USP40: variants seen among roughly 807,000 people sequenced by gnomAD.
USP40 encodes the protein ubiquitin carboxyl-terminal hydrolase 40.
In USP40, 143 loss-of-function variants were observed where a neutral mutation model predicts 166.2. The observed-to-expected ratio is 0.86, with a 90% CI of 0.75 to 0.99. The LOEUF (loss-of-function observed/expected upper bound fraction) is 0.99, where lower values mean the gene tolerates loss of function less well. Among genes scored for constraint, USP40 ranks in the 50% least tolerant of loss-of-function variants. The pLI is 0.00. For missense variants in USP40, 1,444 were observed against 1,479.7 expected, an observed-to-expected ratio of 0.98 and a Z score of 0.40; for synonymous variants, 498 against 524.0, an observed-to-expected ratio of 0.95 and a Z score of 0.68.
At chr2:233,560,758 A>AT in intron 3 of USP40, 1 of 412,632 alleles carries the variant, frequency 2.4e-6, no homozygotes. Context: ...TCATTACTCA[A>AT]TTTATTTCCA....
chr2:233,544,770 G>A (rs1387168388), intron 8 of USP40, among the ~76,000 whole-genome samples: 1 of 152,024 alleles, frequency 6.6e-6, no homozygotes, highest in Non-Finnish European at 1.5e-5. Context: ...ATATAACCAC[G>A]ACCTAGAAAA....
chr2:233,488,599 G>A (rs780191595), intron 27 of USP40, among the ~76,000 whole-genome samples: 1 of 152,168 alleles, frequency 6.6e-6, no homozygotes, highest in Non-Finnish European at 1.5e-5. Context: ...CAGTCACTTT[G>A]GGGTGGTAAT....
chr2:233,550,563 T>C (rs144931271), intron 7 of USP40, among the ~76,000 whole-genome samples: 1,631 of 151,504 alleles, frequency 0.011, 20 homozygotes, highest in East Asian at 0.029. Flanking sequence ...TTTGTGAAGA[T>C]CCCGAATTTA....
rs1222680745 is a variant in USP40, at chr2:233,517,388, T to TG, written c.2383+2225_2383+2226insC. Among the ~76,000 whole-genome samples, 257 of 144,590 alleles carry TG rather than the reference T, an allele frequency of 1.8e-3. 1 individual carries two copies. The highest frequency in any genetic ancestry group is 5.9e-3 in the African/African-American group (232 of 39,372). 94.9% of individuals were successfully genotyped at this position (144,590 alleles called of 152,430 possible). ...TACTTGCACATGCATGGTTTTTTGT[T>TG]TTTTTTTTTTTTTTGAGACGGAGTC... is the stretch of plus-strand genomic sequence containing the variant. On this transcript the variant is annotated intron_variant, in intron 18 of 31. Transcript: ENST00000678225.
chr2:233,557,023 C>A lies in USP40; in HGVS notation c.382-4G>T. The A allele has an allele frequency of 6.2e-7, 1 of 1,606,164 alleles. No individual in the cohort carries two copies. ...GCACATCATGTTGCCTCATTTCCTA[C>A]AAAACAGGTAACTTTTAGATGTAAT... On this transcript the variant is annotated splice_polypyrimidine_tract_variant and splice_region_variant and intron_variant, in intron 4 of 31. Transcript: ENST00000678225.
At chr2:233,483,055 T>A (rs76760661) in intron 30 of USP40, among the ~76,000 whole-genome samples, 2,268 of 152,356 alleles carry the variant, frequency 0.015, 24 homozygotes, top group Non-Finnish European at 0.025. Flanking sequence ...AATAACCCTC[T>A]GCTGTGTTAC....
chr2:233,479,120 A>T (rs755774596), intron 31 of USP40, among the ~76,000 whole-genome samples: 4 of 152,248 alleles, frequency 2.6e-5, no homozygotes, highest in Non-Finnish European at 5.9e-5. Context: ...AATTTTTAAA[A>T]TGTGCTATCT....
chr2:233,498,671 TA>T, intron 22 of USP40, 59 bp from the exon 23 acceptor site: 3 of 1,412,158 alleles, frequency 2.1e-6, no homozygotes, highest in Non-Finnish European at 3.0e-6. Context: ...ACGTTGCGTG[TA>T]ACTTCTAGAA....
intron 30 of USP40, chr2:233,481,515 C>G (rs574711710): frequency 1.8e-6 from 1 of 556,454 alleles, no homozygotes; most frequent in Admixed American, 3.2e-5. Context: ...TTCCAGCCAT[C>G]TGACCTTTCC....
At chr2:233,540,351 G>A (rs1224652773) in intron 10 of USP40, among the ~76,000 whole-genome samples, 1 of 152,056 alleles carries the variant, frequency 6.6e-6, no homozygotes, top group Non-Finnish European at 1.5e-5. Context: ...AGAATTTTGT[G>A]TAAAAAATCA....
At chr2:233,550,669 A>G (rs369078521) in intron 7 of USP40, among the ~76,000 whole-genome samples, 7 of 152,338 alleles carry the variant, frequency 4.6e-5, no homozygotes, top group African/African-American at 1.7e-4. Context: ...ATGATTTGTG[A>G]TAAGAAATAA....
Position 233,491,928 on chromosome 2 carries a change from G to A in USP40, c.2918-667C>T, listed in dbSNP as rs143768207. ...CTTAACTGTCTTTACTGCTGAGCAT[G>A]CCACTAATGCATAGCAAGAAATTAC... On this transcript the variant is annotated intron_variant, in intron 25 of 31. Coordinates refer to ENST00000678225, the MANE Select transcript of USP40 (RefSeq NM_001365479.2). 5.1e-3 allele frequency among the ~76,000 whole-genome samples: 779 copies of A among 152,292 alleles called. 6 individuals carry two copies. The highest frequency in any genetic ancestry group is 0.017 in the African/African-American group (717 of 41,570).
chr2:233,515,884 C>A (rs2067153919), intron 18 of USP40, among the ~76,000 whole-genome samples: 1 of 152,174 alleles, frequency 6.6e-6, no homozygotes, highest in African/African-American at 2.4e-5. Context: ...GCTTGAGGTT[C>A]ATTTCTGCAC....
rs1381421709 is a variant in USP40 at position 233,554,405 on chromosome 2, C to G, written c.668G>C (p.Cys223Ser). ...CTTTGCTGCTTTAACCAGCCTGTCA[C>G]AAGTTCCACAGTGGTACAAGTTGTC... ...DCDNLYHCGT[C>S]DRLVKAAKSA... Residue 223 changes from cysteine to serine, a missense_variant, in exon 6 of 32, where the codon TGT becomes TCT. By Grantham distance (112) the Cys-to-Ser change is moderately radical. Coordinates refer to ENST00000678225, the MANE Select transcript of USP40 (RefSeq NM_001365479.2). 6.2e-7 allele frequency: 1 copy of G among 1,612,184 alleles called. No homozygotes were observed. The highest frequency in any genetic ancestry group is 1.3e-5 in the African/African-American group (1 of 74,914).
At chr2:233,516,075 T>G (rs1200377461) in intron 18 of USP40, among the ~76,000 whole-genome samples, 1 of 152,210 alleles carries the variant, frequency 6.6e-6, no homozygotes, top group African/African-American at 2.4e-5. Flanking sequence ...ACATGCTTCT[T>G]GTTTAAACAG....
At position 233,527,980 on chromosome 2, in the gene USP40, A is replaced by ATTT. The variant is rs200328029; in HGVS notation, c.1554-405_1554-403dup. On this transcript the variant is annotated intron_variant, in intron 12 of 31. Transcript: ENST00000678225. Reference sequence around the variant, plus strand: ...ACTAGATTTTGCACATTCTCCCATGATTTTTTTTTTTTTTTTGAGACAGAG... The same window carrying ATTT: ...ACTAGATTTTGCACATTCTCCCATGATTTTTTTTTTTTTTTTTTTGAGACAGAG... 1.2e-3 allele frequency among the ~76,000 whole-genome samples: 168 copies of ATTT among 139,562 alleles called. 2 individuals carry two copies. Among genetic ancestry groups the ATTT allele is most frequent in the African/African-American group, 4.1e-3 (154 of 37,658 alleles). 91.6% of individuals were successfully genotyped at this position (139,562 alleles called of 152,430 possible). A position where few individuals can be genotyped will look rare whatever the true frequency, so the allele number is the denominator to read the frequency against.
chr2:233,525,572 A>G lies in USP40; in HGVS notation c.1726-10T>C, dbSNP rs1230816782. 1 of 1,602,568 alleles carries G rather than the reference A, an allele frequency of 6.2e-7. No homozygotes were observed. ...CCCAAAATTCTAACAGCTGAAGAAT[A>G]TTAATGAAGGAAAAGAGAATGTTGA... On this transcript the variant is annotated splice_polypyrimidine_tract_variant and intron_variant, in intron 13 of 31. Transcript: ENST00000678225.
intron 2 of USP40, 76 bp downstream of exon 2, chr2:233,565,280 T>C: frequency 9.0e-7 from 1 of 1,108,978 alleles, no homozygotes; most frequent in Non-Finnish European, 1.3e-6. Flanking sequence ...ATTGGTCTAT[T>C]TGTGATTTTG....
At chr2:233,487,148 G>C (rs940008975) in intron 28 of USP40, among the ~76,000 whole-genome samples, 1 of 152,234 alleles carries the variant, frequency 6.6e-6, no homozygotes, top group African/African-American at 2.4e-5. Flanking sequence ...AATTCCAAGA[G>C]AGCTTTTCCT....
Sources: allele counts gnomAD v4.1 joint callset (sites outside exome capture counted in the v4.1 genomes callset), GRCh38; gene constraint gnomAD v4.1.1; transcripts MANE v1.5; gene names NCBI Gene and HGNC (gene_info 2026-07-23, HGNC 2026-07-21).